Variants in NALF1 observed in about 807,000 individuals in gnomAD.
The protein encoded by NALF1 is NALCN channel auxiliary factor 1.
NALF1 carries 3 observed loss-of-function variants against 48.4 expected under a neutral mutation model. That is an observed-to-expected ratio of 0.06 (90% CI 0.03 to 0.16). NALF1 has a LOEUF of 0.16. Among genes scored for constraint, NALF1 ranks in the 10% least tolerant of loss-of-function variants. The pLI is 1.00. For missense variants in NALF1, 526 were observed against 571.5 expected (o/e 0.92, Z 0.81); for synonymous variants, 262 against 245.7 (o/e 1.07, Z -0.62).
At chr13:107,403,579 T>C (rs1157760607) in intron 1 of NALF1, among the ~76,000 whole-genome samples, 1 of 151,998 alleles carries the variant, frequency 6.6e-6, no homozygotes, top group Non-Finnish European at 1.5e-5. Context: ...GTTTACATGA[T>C]ATGTTCAATA....
intron 1 of NALF1, among the ~76,000 whole-genome samples, chr13:107,220,296 A>C (rs1289908327): frequency 6.6e-6 from 1 of 152,222 alleles, no homozygotes; most frequent in Non-Finnish European, 1.5e-5. Context: ...TATGAATGCA[A>C]ACCCCTTTTG....
chr13:107,449,239 G>T (rs570224602), intron 1 of NALF1, among the ~76,000 whole-genome samples: 16 of 151,958 alleles, frequency 1.1e-4, no homozygotes, highest in Admixed American at 2.6e-4. Flanking sequence ...GTGAGACTCT[G>T]TCTCAAAAAA....
chr13:107,340,000 A>T (rs543727184), intron 1 of NALF1, among the ~76,000 whole-genome samples: 2 of 152,194 alleles, frequency 1.3e-5, no homozygotes, highest in East Asian at 3.9e-4. Context: ...AGTAATTGTC[A>T]TTTGCAGTTA....
chr13:107,824,120 T>C (rs1166091468), intron 1 of NALF1, among the ~76,000 whole-genome samples: 1 of 152,168 alleles, frequency 6.6e-6, no homozygotes, highest in South Asian at 2.1e-4. Flanking sequence ...CAAATGAATA[T>C]TTCCATATTA....
intron 1 of NALF1, among the ~76,000 whole-genome samples, chr13:107,832,246 T>C (rs1216803688): frequency 6.6e-6 from 1 of 151,728 alleles, no homozygotes; most frequent in Admixed American, 6.6e-5. Context: ...ATTAATATAA[T>C]ATTTATTATA....
intron 1 of NALF1, among the ~76,000 whole-genome samples, chr13:107,478,603 T>C (rs1164066095): frequency 2.0e-5 from 3 of 152,090 alleles, no homozygotes; most frequent in Non-Finnish European, 4.4e-5. Context: ...AAAAACAAAG[T>C]GGACATAGAA....
intron 1 of NALF1, among the ~76,000 whole-genome samples, chr13:107,769,590 A>G (rs1018044807): frequency 6.0e-5 from 9 of 150,894 alleles, no homozygotes; most frequent in Non-Finnish European, 1.2e-4. Flanking sequence ...ACCTAATGCT[A>G]GATGACGAGT....
intron 1 of NALF1, among the ~76,000 whole-genome samples, chr13:107,659,887 A>G (rs1031337389): frequency 6.6e-5 from 10 of 150,488 alleles, no homozygotes; most frequent in African/African-American, 1.2e-4. Flanking sequence ...CTCAGCCACC[A>G]CACCCAGCTA....
Position 107,744,801 on chromosome 13 carries a change from T to C in NALF1, c.915+120881A>G, listed in dbSNP as rs191873474. On this transcript the variant is annotated intron_variant, in intron 1 of 2. Transcript: ENST00000375915. ...GTTTTTTTGGCATGGTATAACATAA[T>C]TAAACTCTCAACAGTAAGACAAATT... 1.6e-3 allele frequency among the ~76,000 whole-genome samples: 243 copies of C among 152,340 alleles called. 2 individuals carry two copies. The highest frequency in any genetic ancestry group is 5.6e-3 in the African/African-American group (234 of 41,580).
intron 1 of NALF1, among the ~76,000 whole-genome samples, chr13:107,234,845 T>C (rs973398096): frequency 6.6e-5 from 10 of 152,208 alleles, no homozygotes; most frequent in Admixed American, 6.5e-4. Context: ...GTAATGACAG[T>C]TTGACTGATT....
At chr13:107,587,549 G>A (rs1319959492) in intron 1 of NALF1, among the ~76,000 whole-genome samples, 1 of 152,078 alleles carries the variant, frequency 6.6e-6, no homozygotes. Context: ...AGAATAAAAG[G>A]AAAAGCAAGA....
intron 1 of NALF1, among the ~76,000 whole-genome samples, chr13:107,612,093 G>A (rs369513317): frequency 1.1e-4 from 6 of 52,740 alleles, no homozygotes; most frequent in Admixed American, 3.7e-4. Context: ...GGGGGAGAGA[G>A]GGGAGGGGGA....
intron 1 of NALF1, among the ~76,000 whole-genome samples, chr13:107,293,001 T>C (rs1013604726): frequency 4.0e-4 from 58 of 146,662 alleles, no homozygotes; most frequent in Admixed American, 2.3e-3. Context: ...TCTTTTTTTT[T>C]TTTTTTTTGA....
chr13:107,556,348 T>C (rs201311115), intron 1 of NALF1, among the ~76,000 whole-genome samples: 29 of 147,560 alleles, frequency 2.0e-4, no homozygotes, highest in African/African-American at 6.2e-4. Flanking sequence ...CATATATATA[T>C]ATAGAGAGAG....
In NALF1 at chr13:107,407,698, T is replaced by C. The variant is rs561317106; in HGVS notation, c.916-196943A>G. ...CCTGGAGAATAGTTTGGAAGCTCTT[T>C]AAAAAACTAAATCTAGAGCTACCAT... On this transcript the variant is annotated intron_variant, in intron 1 of 2. Coordinates refer to ENST00000375915, the MANE Select transcript of NALF1 (RefSeq NM_001080396.3). Among the ~76,000 whole-genome samples, 7 of 151,974 alleles carry C rather than the reference T, an allele frequency of 4.6e-5. No individual in the cohort carries two copies. The South Asian group carries it at 1.5e-3, about 32-fold the overall frequency.
chr13:107,598,949 C>T lies in NALF1; in HGVS notation c.915+266733G>A, dbSNP rs570459812. ...TCTTCTTGCTTTTTGCTGCTCTTCCCGCCAAGACTAGAAAAGTACATAATG... is the reference window on the plus strand; with the variant it reads ...TCTTCTTGCTTTTTGCTGCTCTTCCTGCCAAGACTAGAAAAGTACATAATG... On this transcript the variant is annotated intron_variant, in intron 1 of 2. Coordinates refer to ENST00000375915, the MANE Select transcript of NALF1 (RefSeq NM_001080396.3). Among the ~76,000 whole-genome samples, 242 of 152,162 alleles carry T rather than the reference C, an allele frequency of 1.6e-3. 1 individual carries two copies. The highest frequency in any genetic ancestry group is 5.4e-3 in the African/African-American group (225 of 41,510).
chr13:107,350,654 T>C (rs917366566), intron 1 of NALF1, among the ~76,000 whole-genome samples: 1 of 152,262 alleles, frequency 6.6e-6, no homozygotes, highest in Non-Finnish European at 1.5e-5. Flanking sequence ...TGAGGTAGAA[T>C]GATTCTAATA....
At chr13:107,350,373 A>G (rs1882852095) in intron 1 of NALF1, among the ~76,000 whole-genome samples, 1 of 152,240 alleles carries the variant, frequency 6.6e-6, no homozygotes, top group African/African-American at 2.4e-5. Context: ...CACCTATAGC[A>G]GGTGTATTTT....
At chr13:107,316,130 G>A (rs966264141) in intron 1 of NALF1, among the ~76,000 whole-genome samples, 2 of 151,800 alleles carry the variant, frequency 1.3e-5, no homozygotes, top group Non-Finnish European at 2.9e-5. Context: ...TCCCACCAAC[G>A]AGCGAGAACA....
Sources: gnomAD v4.1 joint callset for allele counts (sites outside exome capture counted in the v4.1 genomes callset) on GRCh38, gnomAD v4.1.1 for gene constraint, MANE v1.5 for transcripts, NCBI Gene and HGNC (gene_info 2026-07-23, HGNC 2026-07-21) for gene names.